PCDH11Y: variants seen among roughly 807,000 people sequenced by gnomAD.
The protein encoded by PCDH11Y is protocadherin-11 Y-linked.
For synonymous variants in PCDH11Y, 9 were observed against 83.6 expected, an observed-to-expected ratio of 0.11 and a Z score of 4.87; for missense variants, 12 against 224.8, an observed-to-expected ratio of 0.05 and a Z score of 6.05.
chrY:5,456,359 GA>G (rs2053298185), intron 2 of PCDH11Y, among the ~76,000 whole-genome samples: 3 of 33,220 alleles, frequency 9.0e-5, no homozygotes, highest in Non-Finnish European at 2.2e-4. Context: ...CAACTAGGGG[GA>G]ATGTAAGTTA....
chrY:5,547,292 CCTAT>C, intron 3 of PCDH11Y, among the ~76,000 whole-genome samples: 1 of 31,027 alleles, frequency 3.2e-5, no homozygotes, highest in South Asian at 7.3e-4. Flanking sequence ...TATCTATCTT[CCTAT>C]TTAACAGATT....
At chrY:5,136,928 C>T in intron 2 of PCDH11Y, among the ~76,000 whole-genome samples, 1 of 33,055 alleles carries the variant, frequency 3.0e-5, no homozygotes, top group African/African-American at 1.2e-4. Context: ...GGTAACTTCC[C>T]TGGTCTTGCT....
intron 2 of PCDH11Y, among the ~76,000 whole-genome samples, chrY:5,226,775 G>A (rs367880443): frequency 3.2e-5 from 1 of 31,597 alleles, no homozygotes; most frequent in Non-Finnish European, 7.6e-5. Context: ...TTCTTTCTGC[G>A]TTCTCTATTC....
intron 2 of PCDH11Y, among the ~76,000 whole-genome samples, chrY:5,302,717 G>A: frequency 6.7e-5 from 2 of 29,736 alleles, no homozygotes; most frequent in East Asian, 1.8e-3. Flanking sequence ...AAAAAAAATT[G>A]TCTCTTTATT....
intron 3 of PCDH11Y, among the ~76,000 whole-genome samples, chrY:5,044,585 C>G: frequency 3.1e-5 from 1 of 32,743 alleles, no homozygotes; most frequent in African/African-American, 1.2e-4. Context: ...AATGTATATT[C>G]TATTGATTTG....
chrY:5,070,748 T>C, intron 1 of PCDH11Y, among the ~76,000 whole-genome samples: 5 of 32,016 alleles, frequency 1.6e-4, no homozygotes, highest in Non-Finnish European at 2.3e-4. Context: ...GTTTGTTATA[T>C]AGGTAAACTC....
chrY:5,226,346 T>C (rs2052960701), intron 2 of PCDH11Y, among the ~76,000 whole-genome samples: 1 of 32,126 alleles, frequency 3.1e-5, no homozygotes, highest in African/African-American at 1.2e-4. Context: ...ATTATTAATC[T>C]CTTGCAGATG....
intron 2 of PCDH11Y, among the ~76,000 whole-genome samples, chrY:5,220,922 T>C (rs2052954007): frequency 3.1e-5 from 1 of 31,956 alleles, no homozygotes; most frequent in African/African-American, 1.2e-4. Context: ...TTTCTCCAAG[T>C]TGGCCAGGCT....
At chrY:5,213,100 A>G (rs2124651282) in intron 2 of PCDH11Y, among the ~76,000 whole-genome samples, 1 of 24,048 alleles carries the variant, frequency 4.2e-5, no homozygotes, top group Non-Finnish European at 9.4e-5. Flanking sequence ...TACCTATGAT[A>G]ATTATAATAT....
chrY:5,633,800 A>T lies in PCDH11Y; in HGVS notation c.3352+52002A>T, dbSNP rs1602954536. Among the ~76,000 whole-genome samples the T allele has an allele frequency of 3.0e-3, 99 of 33,151 alleles. No individual in the cohort carries two copies. In the East Asian group the frequency reaches 0.079, roughly 26 times the overall value. 88.9% of individuals were successfully genotyped at this position (33,151 alleles called of 37,273 possible). A position where few individuals can be genotyped will look rare whatever the true frequency, so the allele number is the denominator to read the frequency against. On this transcript the variant is annotated intron_variant, in intron 4 of 4. Coordinates refer to the PCDH11Y transcript ENST00000400457. ...GTAATCCCAGCTACTCGGGCGGCTG[A>T]GGCAGGAGAATAGCTTAAACCCAGG... is the stretch of plus-strand genomic sequence containing the variant.
rs545940351 is a variant in PCDH11Y, at chrY:5,071,022, A to G, written c.636+13563A>G. On this transcript the variant is annotated intron_variant, in intron 1 of 1. Transcript: ENST00000215473. ...TTTCAGAAGTTAAAAATCCGTATTT[A>G]CCAAATGTTTACCAGTCTACTATCA... Among the ~76,000 whole-genome samples the G allele has an allele frequency of 1.7e-3, 53 of 31,782 alleles. No individual in the cohort carries two copies. The South Asian group carries it at 0.034, about 20-fold the overall frequency. 85.3% of individuals were successfully genotyped at this position (31,782 alleles called of 37,273 possible). A position where few individuals can be genotyped will look rare whatever the true frequency, so the allele number is the denominator to read the frequency against.
At chrY:5,594,435 G>A (rs2124698813) in intron 4 of PCDH11Y, among the ~76,000 whole-genome samples, 1 of 30,865 alleles carries the variant, frequency 3.2e-5, no homozygotes, top group Admixed American at 2.9e-4. Context: ...GCTGGCAGCA[G>A]TGGAAGGGCA....
At chrY:5,085,243 T>A in intron 1 of PCDH11Y, among the ~76,000 whole-genome samples, 1 of 33,361 alleles carries the variant, frequency 3.0e-5, no homozygotes, top group South Asian at 6.4e-4. Context: ...TTTAAGCTGA[T>A]AATAGCTTAA....
intron 2 of PCDH11Y, among the ~76,000 whole-genome samples, chrY:5,435,518 A>T: frequency 3.3e-5 from 1 of 30,067 alleles, no homozygotes; most frequent in Non-Finnish European, 7.9e-5. Flanking sequence ...GGGTTTCACC[A>T]TGTTAGCCAG....
At chrY:5,438,211 G>T in intron 2 of PCDH11Y, among the ~76,000 whole-genome samples, 2 of 26,399 alleles carry the variant, frequency 7.6e-5, no homozygotes, top group Non-Finnish European at 1.8e-4. Flanking sequence ...GATTGGCATA[G>T]GGAGAGACTC....
At chrY:5,325,602 G>C in intron 2 of PCDH11Y, among the ~76,000 whole-genome samples, 1 of 33,470 alleles carries the variant, frequency 3.0e-5, no homozygotes, top group Non-Finnish European at 7.4e-5. Flanking sequence ...AGGAGATTCA[G>C]CATAGTCCTG....
intron 2 of PCDH11Y, among the ~76,000 whole-genome samples, chrY:5,369,736 T>A: frequency 3.1e-5 from 1 of 32,770 alleles, no homozygotes; most frequent in East Asian, 8.1e-4. Flanking sequence ...AATTTTCTCA[T>A]GTATGATGGC....
chrY:5,506,671 A>G, intron 3 of PCDH11Y, among the ~76,000 whole-genome samples: 1 of 32,185 alleles, frequency 3.1e-5, no homozygotes, highest in Admixed American at 2.9e-4. Context: ...AATTTAAATC[A>G]GCTCAGCAAG....
chrY:5,069,415 A>G, intron 1 of PCDH11Y, among the ~76,000 whole-genome samples: 1 of 33,396 alleles, frequency 3.0e-5, no homozygotes, highest in Non-Finnish European at 7.4e-5. Context: ...TTACTAAACA[A>G]GTAAAGTTTT....
Sources: allele counts gnomAD v4.1 joint callset (sites outside exome capture counted in the v4.1 genomes callset), GRCh38; gene constraint gnomAD v4.1.1; transcripts MANE v1.5; gene names NCBI Gene and HGNC (gene_info 2026-07-23, HGNC 2026-07-21).